The following HEMK2 variants were observed in gnomAD, a reference collection of about 807,000 sequenced individuals.
HEMK2 encodes HemK methyltransferase 2, ETF1 glutamine and histone H4 lysine, also known as methyltransferase HEMK2.
chr21:28,678,382 T>C, the HEMK2 span, among the ~76,000 whole-genome samples: 1,619 of 152,080 alleles, frequency 0.011, 51 homozygotes, highest in Admixed American at 0.056. Context: ...CTCCAAGAAA[T>C]ATGGGACTAT....
the HEMK2 span, among the ~76,000 whole-genome samples, chr21:28,695,223 AC>A: frequency 6.6e-6 from 1 of 152,194 alleles, no homozygotes; most frequent in East Asian, 1.9e-4. Context: ...TCAGACTGCT[AC>A]AACAAAATAC....
At chr21:28,676,215 T>A in the HEMK2 span, among the ~76,000 whole-genome samples, 2 of 152,184 alleles carry the variant, frequency 1.3e-5, no homozygotes, top group Admixed American at 6.5e-5. Context: ...GAAATCCTGA[T>A]ATCAAGGTGT....
chr21:28,709,454 A>G, the HEMK2 span, among the ~76,000 whole-genome samples: 2 of 152,174 alleles, frequency 1.3e-5, no homozygotes, highest in Non-Finnish European at 1.5e-5. Flanking sequence ...TTCGGAATGC[A>G]CTTCTCTAGT....
the HEMK2 span, among the ~76,000 whole-genome samples, chr21:28,605,764 A>G: frequency 6.6e-6 from 1 of 152,222 alleles, no homozygotes; most frequent in South Asian, 2.1e-4. Context: ...TATCAAGTAT[A>G]GAAAGTGTTC....
chr21:28,877,160 GAGAA>G, the HEMK2 span, among the ~76,000 whole-genome samples: 476 of 118,654 alleles, frequency 4.0e-3, 6 homozygotes, highest in African/African-American at 0.014. Context: ...GAGAAAGAAA[GAGAA>G]AGAAAGAAAG....
the HEMK2 span, among the ~76,000 whole-genome samples, chr21:28,589,413 A>G: frequency 4.6e-5 from 7 of 152,122 alleles, no homozygotes; most frequent in Admixed American, 4.6e-4. Flanking sequence ...GGGTTGGGGG[A>G]GAAAGGTATT....
At chr21:28,859,558 G>A in the HEMK2 span, among the ~76,000 whole-genome samples, 1 of 152,056 alleles carries the variant, frequency 6.6e-6, no homozygotes, top group South Asian at 2.1e-4. Context: ...CCATTCTTCT[G>A]CTCTTCTAAC....
At chr21:28,885,237 C>A in the HEMK2 span, 1 of 1,589,492 alleles carries the variant, frequency 6.3e-7, no homozygotes, top group South Asian at 1.1e-5. Flanking sequence ...GCCGCTGCCT[C>A]CAGCGCGTCC....
the HEMK2 span, among the ~76,000 whole-genome samples, chr21:28,786,667 CAAAAAAA>C: frequency 1.2e-4 from 11 of 92,044 alleles, no homozygotes; most frequent in African/African-American, 4.1e-4. Flanking sequence ...GTGAGACTGT[CAAAAAAA>C]AAAAAAAAAG....
chr21:28,862,330 T>C, the HEMK2 span, among the ~76,000 whole-genome samples: 1 of 152,110 alleles, frequency 6.6e-6, no homozygotes, highest in South Asian at 2.1e-4. Context: ...GCAAAAGGAA[T>C]ACAGAATGAG....
At chr21:28,641,084 T>C in the HEMK2 span, among the ~76,000 whole-genome samples, 3 of 152,240 alleles carry the variant, frequency 2.0e-5, no homozygotes, top group African/African-American at 4.8e-5. Context: ...CCTTTTTTCA[T>C]GCTTTTTTCA....
At chr21:28,664,665 ACTATAC>A in the HEMK2 span, among the ~76,000 whole-genome samples, 1 of 152,164 alleles carries the variant, frequency 6.6e-6, no homozygotes, top group African/African-American at 2.4e-5. Flanking sequence ...ATTCTAGCAG[ACTATAC>A]CTTCAGGTCC....
the HEMK2 span, among the ~76,000 whole-genome samples, chr21:28,755,981 T>C: frequency 1.3e-5 from 2 of 152,206 alleles, no homozygotes; most frequent in African/African-American, 4.8e-5. Context: ...GTGAGCCCAA[T>C]TTTCACATTT....
At chr21:28,772,457 C>A in the HEMK2 span, among the ~76,000 whole-genome samples, 1 of 152,124 alleles carries the variant, frequency 6.6e-6, no homozygotes, top group Non-Finnish European at 1.5e-5. Flanking sequence ...TATTAATGGT[C>A]ACATGCATTT....
the HEMK2 span, among the ~76,000 whole-genome samples, chr21:28,706,170 G>C: frequency 2.0e-5 from 3 of 152,248 alleles, no homozygotes; most frequent in African/African-American, 7.2e-5. Flanking sequence ...TATATTTGAC[G>C]TAACTCTAAG....
chr21:28,749,046 T>C, the HEMK2 span, among the ~76,000 whole-genome samples: 1 of 152,208 alleles, frequency 6.6e-6, no homozygotes, highest in South Asian at 2.1e-4. Context: ...GCAGAGTTAA[T>C]TTAGCTAACC....
chr21:28,741,802 T>C, the HEMK2 span, among the ~76,000 whole-genome samples: 1 of 152,206 alleles, frequency 6.6e-6, no homozygotes, highest in African/African-American at 2.4e-5. Flanking sequence ...CAGTCTATCA[T>C]TGATGGGCAT....
chr21:28,734,562 G>GT, the HEMK2 span, among the ~76,000 whole-genome samples: 1 of 152,148 alleles, frequency 6.6e-6, no homozygotes, highest in Non-Finnish European at 1.5e-5. Flanking sequence ...TAAATGAATT[G>GT]TTTTTACATG....
At chr21:28,758,681 T>C in the HEMK2 span, among the ~76,000 whole-genome samples, 29,412 of 152,104 alleles carry the variant, frequency 0.19, 3,557 homozygotes, top group African/African-American at 0.34. Context: ...GTGTGTTGCA[T>C]TGTATTAAAT....
Sources: allele counts gnomAD v4.1 joint callset (sites outside exome capture counted in the v4.1 genomes callset), GRCh38; gene constraint gnomAD v4.1.1; transcripts MANE v1.5; gene names NCBI Gene and HGNC (gene_info 2026-07-23, HGNC 2026-07-21).